The following ERG variants were observed in gnomAD, a reference collection of about 807,000 sequenced individuals.
ERG encodes the protein transcriptional regulator ERG.
Under a neutral mutation model 55.3 loss-of-function variants are expected in ERG, and 9 were observed. The observed-to-expected ratio is 0.16, with a 90% CI of 0.10 to 0.28. ERG has a LOEUF of 0.28. Ranked by LOEUF, ERG falls within the 10% of genes least tolerant of loss-of-function variation. The pLI is 1.00. For synonymous variants in ERG, 223 were observed against 237.3 expected (o/e 0.94, Z 0.55); for missense variants, 434 against 631.6 (o/e 0.69, Z 3.35).
intron 1 of ERG, among the ~76,000 whole-genome samples, chr21:38,603,509 T>C (rs73906359): frequency 0.072 from 10,922 of 152,042 alleles, 782 homozygotes; most frequent in African/African-American, 0.18. Context: ...AGTCATTCTT[T>C]GCAGTTCCTT....
At chr21:38,483,077 C>A (rs2059252066) in intron 1 of ERG, among the ~76,000 whole-genome samples, 1 of 152,210 alleles carries the variant, frequency 6.6e-6, no homozygotes, top group Non-Finnish European at 1.5e-5. Flanking sequence ...AAGACAAATA[C>A]TGCATGATCT....
intron 1 of ERG, among the ~76,000 whole-genome samples, chr21:38,647,596 G>GA (rs1346711433): frequency 6.6e-6 from 1 of 152,010 alleles, no homozygotes; most frequent in Non-Finnish European, 1.5e-5. Flanking sequence ...GGTTGGTCAT[G>GA]AAAAAAAAGG....
At chr21:38,629,183 G>T (rs1008392685) in intron 1 of ERG, among the ~76,000 whole-genome samples, 3 of 152,170 alleles carry the variant, frequency 2.0e-5, no homozygotes, top group African/African-American at 7.2e-5. Flanking sequence ...TGGATGAGAG[G>T]CCAGGAGACA....
intron 2 of ERG, among the ~76,000 whole-genome samples, chr21:38,556,053 A>G (rs1446622346): frequency 6.6e-6 from 1 of 152,188 alleles, no homozygotes; most frequent in Admixed American, 6.5e-5. Flanking sequence ...CCAACAAAAA[A>G]TATTTAGCTT....
chr21:38,610,137 C>T lies in ERG; in HGVS notation c.-149-25192G>A, dbSNP rs563739207. Among the ~76,000 whole-genome samples the T allele has an allele frequency of 1.1e-4, 16 of 152,302 alleles. 1 individual carries two copies. The South Asian group carries it at 2.5e-3, about 24-fold the overall frequency. ...TTTGCAATTTAACATAGCAACGCTG[C>T]GATCACTATTCAAACACACAGCAAG... On this transcript the variant is annotated intron_variant, in intron 1 of 10. Coordinates refer to the ERG transcript ENST00000398910.
intron 3 of ERG, among the ~76,000 whole-genome samples, chr21:38,421,055 T>C (rs1989519444): frequency 6.6e-6 from 1 of 152,150 alleles, no homozygotes; most frequent in African/African-American, 2.4e-5. Flanking sequence ...AGGCACATCC[T>C]AGCCTTCGAG....
chr21:38,441,356 G>C (rs976634880), intron 2 of ERG, among the ~76,000 whole-genome samples: 1 of 152,120 alleles, frequency 6.6e-6, no homozygotes, highest in Admixed American at 6.5e-5. Context: ...GATAATGTGA[G>C]TGGGCCTTGT....
chr21:38,459,035 C>A (rs1569115627), intron 1 of ERG, among the ~76,000 whole-genome samples: 4 of 152,128 alleles, frequency 2.6e-5, no homozygotes. Context: ...CAATTCCATC[C>A]CCCATCTCTT....
upstream of ERG, among the ~76,000 whole-genome samples, chr21:38,501,057 A>G (rs2059416955): frequency 6.8e-6 from 1 of 146,416 alleles, no homozygotes; most frequent in South Asian, 2.1e-4. Flanking sequence ...AGGACAAGGC[A>G]CATCTTTTTT....
At chr21:38,616,855 T>C (rs1317155352) in intron 1 of ERG, among the ~76,000 whole-genome samples, 1 of 152,210 alleles carries the variant, frequency 6.6e-6, no homozygotes. Flanking sequence ...AGTTCAGTTT[T>C]GATTGCTGAA....
At chr21:38,435,363 G>T (rs1233963108) in intron 2 of ERG, among the ~76,000 whole-genome samples, 1 of 152,146 alleles carries the variant, frequency 6.6e-6, no homozygotes, top group Non-Finnish European at 1.5e-5. Context: ...TAATTTGTGG[G>T]TCTGTTTTAT....
chr21:38,595,006 T>C lies in ERG; in HGVS notation c.-149-10061A>G, dbSNP rs368142993. ...GCTGGAGAGAAATCAGACAAGTCTC[T>C]CAGGCAGAAGTTCCAGAAAAATGAA... On this transcript the variant is annotated intron_variant, in intron 1 of 10. Transcript: ENST00000398910. Among the ~76,000 whole-genome samples, 243 of 152,242 alleles carry C rather than the reference T, an allele frequency of 1.6e-3. 1 individual carries two copies. The highest frequency in any genetic ancestry group is 4.5e-3 in the African/African-American group (188 of 41,528).
intron 3 of ERG, among the ~76,000 whole-genome samples, chr21:38,407,568 G>A (rs1191479502): frequency 6.8e-6 from 1 of 146,420 alleles, no homozygotes; most frequent in Non-Finnish European, 1.5e-5. Flanking sequence ...GGAATACTTG[G>A]GTTACAAATT....
chr21:38,585,897 G>C (rs1426493535), upstream of ERG, among the ~76,000 whole-genome samples: 1 of 150,810 alleles, frequency 6.6e-6, no homozygotes, highest in East Asian at 1.9e-4. Flanking sequence ...CACATTACTG[G>C]GGGAAAAAAA....
chr21:38,443,339 C>T lies in ERG; in HGVS notation c.236+2065G>A, dbSNP rs572605361. ...GTCTGAGATGTTTCCTTCCTCTCTC[C>T]CCACCTTCCAACATCCCCCTCCTCC... On this transcript the variant is annotated intron_variant, in intron 2 of 9. Coordinates refer to ENST00000288319, the MANE Select transcript of ERG (RefSeq NM_182918.4). 4.0e-4 allele frequency among the ~76,000 whole-genome samples: 61 copies of T among 152,246 alleles called. No individual in the cohort carries two copies. The South Asian group carries it at 0.013, about 32-fold the overall frequency.
At chr21:38,473,422 T>C (rs1268369294) in intron 1 of ERG, among the ~76,000 whole-genome samples, 1 of 143,776 alleles carries the variant, frequency 7.0e-6, no homozygotes, top group Non-Finnish European at 1.5e-5. Context: ...CAATTATATA[T>C]ATACATATAT....
At chr21:38,445,948 C>G (rs566563972) in intron 1 of ERG, among the ~76,000 whole-genome samples, 10 of 151,890 alleles carry the variant, frequency 6.6e-5, no homozygotes, top group African/African-American at 2.4e-4. Flanking sequence ...GCATGTGTCA[C>G]TATTTGACAA....
intron 2 of ERG, among the ~76,000 whole-genome samples, chr21:38,508,199 A>T (rs891583793): frequency 6.6e-6 from 1 of 151,830 alleles, no homozygotes; most frequent in Non-Finnish European, 1.5e-5. Context: ...TCTTCTCCCC[A>T]CTGTCACCAC....
At chr21:38,579,847 G>GTC (rs1190496391) in intron 1 of ERG, among the ~76,000 whole-genome samples, 18 of 149,598 alleles carry the variant, frequency 1.2e-4, no homozygotes, top group African/African-American at 3.4e-4. Flanking sequence ...TTGAGACGGA[G>GTC]TCTCTCTCTG....
Sources: gnomAD v4.1 joint callset for allele counts (sites outside exome capture counted in the v4.1 genomes callset) on GRCh38, gnomAD v4.1.1 for gene constraint, MANE v1.5 for transcripts, NCBI Gene and HGNC (gene_info 2026-07-23, HGNC 2026-07-21) for gene names.